Variants in HAO1 observed in about 807,000 individuals in gnomAD.
HAO1 encodes 2-Hydroxyacid oxidase 1.
Under a neutral mutation model 39.7 loss-of-function variants are expected in HAO1, and 34 were observed. The ratio of observed to expected loss-of-function variants is 0.86; its 90% CI spans 0.65 to 1.14. The LOEUF (loss-of-function observed/expected upper bound fraction) is 1.14, where lower values mean the gene tolerates loss of function less well. HAO1 is among the 50% of genes most tolerant of loss of function. HAO1 has a pLI of 0.00. For synonymous variants in HAO1, 172 were observed against 173.2 expected (o/e 0.99, Z 0.05); for missense variants, 479 against 464.5 (o/e 1.03, Z -0.29).
Position 7,883,473 on chromosome 20 carries a change from A to C in HAO1, c.*120T>G. On this transcript the variant is annotated 3_prime_UTR_variant, in exon 8 of 8. Coordinates refer to ENST00000378789, the MANE Select transcript of HAO1 (RefSeq NM_017545.3). ...GGGATTGCTATTTTGTTGGAAAAGA[A>C]CGACACCCTTTGTATTGAAGTGGGG... The C allele has an allele frequency of 1.3e-6, 1 of 770,044 alleles. No individual in the cohort carries two copies. The highest frequency in any genetic ancestry group is 1.5e-5 in the South Asian group (1 of 67,404). 47.7% of individuals were successfully genotyped at this position (770,044 alleles called of 1,614,324 possible).
intron 2 of HAO1, among the ~76,000 whole-genome samples, chr20:7,923,501 A>G (rs1319015044): frequency 6.6e-6 from 1 of 152,060 alleles, no homozygotes. Context: ...CACATCTCTT[A>G]ATTATCTAGA....
chr20:7,895,510 G>C (rs1310355960), intron 4 of HAO1, among the ~76,000 whole-genome samples: 1 of 150,400 alleles, frequency 6.6e-6, no homozygotes, highest in African/African-American at 2.5e-5. Flanking sequence ...CTTTATAAGG[G>C]TATACTCTTG....
chr20:7,914,497 T>C (rs565082266), intron 2 of HAO1, 78 bp from the exon 3 acceptor site: 1 of 1,495,570 alleles, frequency 6.7e-7, no homozygotes, highest in East Asian at 2.3e-5. Flanking sequence ...GTTGGATGAG[T>C]AAAGACATCT....
intron 2 of HAO1, among the ~76,000 whole-genome samples, chr20:7,933,564 C>G (rs939177041): frequency 6.6e-6 from 1 of 152,174 alleles, no homozygotes; most frequent in Non-Finnish European, 1.5e-5. Flanking sequence ...CCAGCAAAAC[C>G]TCATTGTGCC....
chr20:7,925,787 T>C (rs1211597747), intron 2 of HAO1, among the ~76,000 whole-genome samples: 1 of 152,104 alleles, frequency 6.6e-6, no homozygotes, highest in Non-Finnish European at 1.5e-5. Context: ...AATCTCATGC[T>C]CTCAAGAAAG....
chr20:7,890,972 C>T (rs548051156), intron 5 of HAO1, among the ~76,000 whole-genome samples: 38 of 152,244 alleles, frequency 2.5e-4, no homozygotes, highest in Admixed American at 2.0e-3. Flanking sequence ...GTTGGTTCCA[C>T]GACTTTGTAA....
intron 3 of HAO1, among the ~76,000 whole-genome samples, chr20:7,909,371 A>ATATATATATATATG (rs1568514520): frequency 8.2e-5 from 8 of 96,984 alleles, no homozygotes; most frequent in Admixed American, 5.1e-4. Flanking sequence ...ATATATATAT[A>ATATATATATATATG]TATATATGTA....
At chr20:7,912,464 G>C (rs538512598) in intron 3 of HAO1, among the ~76,000 whole-genome samples, 3 of 152,144 alleles carry the variant, frequency 2.0e-5, no homozygotes, top group East Asian at 3.9e-4. Flanking sequence ...AGTAGTAGTA[G>C]TGTTAAGAGA....
chr20:7,938,209 A>C (rs1313411478), intron 1 of HAO1, among the ~76,000 whole-genome samples: 1 of 152,124 alleles, frequency 6.6e-6, no homozygotes, highest in Non-Finnish European at 1.5e-5. Flanking sequence ...CCCTGGCAGA[A>C]TTTCTATTCT....
intron 3 of HAO1, among the ~76,000 whole-genome samples, chr20:7,909,385 A>ATGTG (rs1434229841): frequency 9.8e-5 from 11 of 112,584 alleles, no homozygotes; most frequent in African/African-American, 3.5e-4. Flanking sequence ...ATATGTATAT[A>ATGTG]TATATATATA....
At chr20:7,938,399 C>A (rs890638175) in intron 1 of HAO1, among the ~76,000 whole-genome samples, 11 of 151,566 alleles carry the variant, frequency 7.3e-5, no homozygotes, top group African/African-American at 2.7e-4. Context: ...TAATTTAAAG[C>A]TGAACAAAAG....
At chr20:7,934,410 C>G in intron 2 of HAO1, 74 bp downstream of exon 2, 1 of 1,093,488 alleles carries the variant, frequency 9.1e-7, no homozygotes, top group South Asian at 1.5e-5. Context: ...AACATATTTG[C>G]TTGGTGCATT....
At chr20:7,891,295 G>C (rs1488264132) in intron 5 of HAO1, among the ~76,000 whole-genome samples, 1 of 152,154 alleles carries the variant, frequency 6.6e-6, no homozygotes, top group African/African-American at 2.4e-5. Context: ...CTGATCATTA[G>C]TGATGTTGAG....
Position 7,934,484 on chromosome 20 carries a change from C to T in HAO1, c.289G>A (p.Ala97Thr). Residue 97 changes from alanine (A) to threonine (T), a missense_variant and splice_region_variant, in exon 2 of 8, where the codon GCC (alanine) becomes ACC (threonine). By Grantham distance (58) the Ala-to-Thr change is moderately conservative. Transcript: ENST00000378789. The stretch of plus-strand genomic sequence containing the variant: ...CCTGTGGTGACAATCTTCCTCCTAC[C>T]TCTCACAGTGGCAAGCTCGCCGTCC... ...HVDGELATVR[A>T]CQSLGTGMML... 1 of 1,607,660 alleles carries T rather than the reference C, an allele frequency of 6.2e-7. No homozygotes were observed. The highest frequency in any genetic ancestry group is 8.5e-7 in the Non-Finnish European group (1 of 1,177,802).
Position 7,883,601 on chromosome 20 carries a change from T to C in HAO1, c.1105A>G (p.Lys369Glu). ...GAAAATATTGTGCACTGTCAGATCT[T>C]GGAAACGGCCAAAGGATTTTTCCTC... The part of the protein sequence containing the change: ...LVRKNPLAVS[K>E]I The change falls in exon 8 of 8, where the codon AAG (lysine) becomes GAG (glutamate). Residue 369 changes from lysine (K) to glutamate (E), a missense_variant. Lys to Glu is a moderately conservative substitution (Grantham distance 56, BLOSUM62 1). Coordinates refer to ENST00000378789, the MANE Select transcript of HAO1 (RefSeq NM_017545.3). The C allele has an allele frequency of 6.2e-7, 1 of 1,612,248 alleles. No homozygotes were observed. The highest frequency in any genetic ancestry group is 8.5e-7 in the Non-Finnish European group (1 of 1,178,282).
At chr20:7,900,316 T>G (rs1215151578) in intron 4 of HAO1, among the ~76,000 whole-genome samples, 1 of 152,132 alleles carries the variant, frequency 6.6e-6, no homozygotes, top group Admixed American at 6.6e-5. Flanking sequence ...AGACTACAAC[T>G]CGCTGAAGAC....
At chr20:7,930,833 AG>A (rs1283617723) in intron 2 of HAO1, among the ~76,000 whole-genome samples, 2 of 152,316 alleles carry the variant, frequency 1.3e-5, no homozygotes, top group Admixed American at 1.3e-4. Flanking sequence ...AGATAATGTC[AG>A]GCAAAAAGTG....
At chr20:7,904,558 A>G (rs952818005) in intron 4 of HAO1, among the ~76,000 whole-genome samples, 1 of 152,110 alleles carries the variant, frequency 6.6e-6, no homozygotes, top group Non-Finnish European at 1.5e-5. Context: ...TTTCATTCTG[A>G]AAAGTGTTTT....
intron 3 of HAO1, among the ~76,000 whole-genome samples, chr20:7,913,192 A>G (rs2050288752): frequency 7.1e-6 from 1 of 141,506 alleles, no homozygotes; most frequent in Non-Finnish European, 1.5e-5. Flanking sequence ...TTTTCCAAAT[A>G]CAATTCAAAC....
Sources: allele counts gnomAD v4.1 joint callset (sites outside exome capture counted in the v4.1 genomes callset), GRCh38; gene constraint gnomAD v4.1.1; transcripts MANE v1.5; gene names NCBI Gene and HGNC (gene_info 2026-07-23, HGNC 2026-07-21).